The following RTN1 variants were observed in gnomAD, a reference collection of about 807,000 sequenced individuals.
RTN1 encodes reticulon-1.
Under a neutral mutation model 65.5 loss-of-function variants are expected in RTN1, and 25 were observed. That is an observed-to-expected ratio of 0.38 (90% CI 0.28 to 0.53). The LOEUF (loss-of-function observed/expected upper bound fraction) is 0.53. RTN1 is among the 20% of genes least tolerant of loss of function. The pLI, the probability that RTN1 is intolerant of heterozygous loss-of-function variation, is 0.79. For missense variants in RTN1, 983 were observed against 1,025.4 expected (o/e 0.96, Z 0.57); for synonymous variants, 471 against 447.6 (o/e 1.05, Z -0.66).
chr14:59,854,839 G>C (rs1887576339), intron 1 of RTN1, among the ~76,000 whole-genome samples: 1 of 151,896 alleles, frequency 6.6e-6, no homozygotes, highest in Non-Finnish European at 1.5e-5. Flanking sequence ...TTGTAAAATG[G>C]GGAAAATAAC....
At chr14:59,869,308 C>A (rs1295494508) in intron 1 of RTN1, among the ~76,000 whole-genome samples, 1 of 151,606 alleles carries the variant, frequency 6.6e-6, no homozygotes, top group Admixed American at 6.6e-5. Context: ...TCTGGGAGCA[C>A]CCCCCACCCC....
chr14:59,747,041 C>G (rs1379943749), intron 1 of RTN1, among the ~76,000 whole-genome samples: 1 of 152,180 alleles, frequency 6.6e-6, no homozygotes, highest in African/African-American at 2.4e-5. Context: ...AGAGAAAGGA[C>G]CTCCTAGCTT....
intron 1 of RTN1, among the ~76,000 whole-genome samples, chr14:59,793,614 C>T (rs948987440): frequency 6.7e-6 from 1 of 149,896 alleles, no homozygotes; most frequent in African/African-American, 2.5e-5. Context: ...AATTCTATTA[C>T]CTTGTCAATT....
intron 1 of RTN1, among the ~76,000 whole-genome samples, chr14:59,844,461 A>G (rs762213453): frequency 5.3e-5 from 8 of 152,262 alleles, no homozygotes; most frequent in Non-Finnish European, 1.0e-4. Context: ...GTAAGCCAAC[A>G]CAGAACCAAC....
chr14:59,687,036 T>A (rs1252953167), intron 3 of RTN1, among the ~76,000 whole-genome samples: 6 of 152,182 alleles, frequency 3.9e-5, no homozygotes, highest in Non-Finnish European at 8.8e-5. Flanking sequence ...GGTGCTGGAA[T>A]TGTGCTTTCT....
At chr14:59,679,568 G>A (rs1366603919) in intron 3 of RTN1, among the ~76,000 whole-genome samples, 1 of 152,164 alleles carries the variant, frequency 6.6e-6, no homozygotes, top group African/African-American at 2.4e-5. Flanking sequence ...TAAAACAGCA[G>A]AGTACAAAAC....
chr14:59,622,957 T>G (rs547915462), intron 3 of RTN1, among the ~76,000 whole-genome samples: 17 of 152,330 alleles, frequency 1.1e-4, no homozygotes, highest in African/African-American at 3.6e-4. Context: ...ATTTCTAGAC[T>G]CTTAAATAAT....
chr14:59,762,745 G>GATTGA (rs751181030), intron 1 of RTN1, among the ~76,000 whole-genome samples: 3 of 152,186 alleles, frequency 2.0e-5, no homozygotes, highest in Non-Finnish European at 4.4e-5. Flanking sequence ...ATTGTTAAGG[G>GATTGA]ATTGTGTCAA....
At chr14:59,613,534 G>T (rs1882019403) in intron 3 of RTN1, among the ~76,000 whole-genome samples, 1 of 152,082 alleles carries the variant, frequency 6.6e-6, no homozygotes, top group Non-Finnish European at 1.5e-5. Context: ...TCCTGATCCT[G>T]TGATCCACCT....
rs977790602 is a variant in RTN1 at position 59,846,217 on chromosome 14, G to C, written c.241+24173C>G. Among the ~76,000 whole-genome samples the C allele has an allele frequency of 2.0e-5, 3 of 152,106 alleles. No homozygotes were observed. The highest frequency in any genetic ancestry group is 4.4e-5 in the Non-Finnish European group (3 of 68,000). ...GCTGTGACTTCTTCCTTACCCCACTGGTGCTTTTTTGTGGAAGAAGAAACA... is the reference window on the plus strand; with the variant it reads ...GCTGTGACTTCTTCCTTACCCCACTCGTGCTTTTTTGTGGAAGAAGAAACA... On this transcript the variant is annotated intron_variant, in intron 1 of 8. Coordinates refer to ENST00000267484, the MANE Select transcript of RTN1 (RefSeq NM_021136.3). The surrounding 1 kb of genome is among the most constrained non-coding windows in gnomAD (Gnocchi z 4.8).
intron 1 of RTN1, among the ~76,000 whole-genome samples, chr14:59,841,891 C>T (rs1887319916): frequency 1.3e-5 from 2 of 151,968 alleles, no homozygotes. Flanking sequence ...TTTTGGGAGG[C>T]CGAGGCGGGT....
Position 59,799,399 on chromosome 14 carries a change from A to G in RTN1, c.242-52918T>C, listed in dbSNP as rs78469319. On this transcript the variant is annotated intron_variant, in intron 1 of 8. Coordinates refer to ENST00000267484, the MANE Select transcript of RTN1 (RefSeq NM_021136.3). Reference sequence around the variant, plus strand: ...GCAAATGTGGATAATCTACAAAATCATCAATTTTCTCAGGGCCATCAGAGA... The same window carrying G: ...GCAAATGTGGATAATCTACAAAATCGTCAATTTTCTCAGGGCCATCAGAGA... Among the ~76,000 whole-genome samples the G allele has an allele frequency of 1.3e-3, 204 of 152,332 alleles. 1 individual carries two copies. The highest frequency in any genetic ancestry group is 4.8e-3 in the African/African-American group (199 of 41,588).
chr14:59,791,294 G>T (rs562509400), intron 1 of RTN1, among the ~76,000 whole-genome samples: 17 of 152,154 alleles, frequency 1.1e-4, no homozygotes, highest in African/African-American at 3.6e-4. Context: ...TTGTTCCCCA[G>T]CTCTCCTCCA....
At chr14:59,699,365 A>T (rs976514412) in intron 3 of RTN1, among the ~76,000 whole-genome samples, 1 of 152,178 alleles carries the variant, frequency 6.6e-6, no homozygotes, top group Non-Finnish European at 1.5e-5. Flanking sequence ...GAATACCTTT[A>T]CTAGGAAATG....
intron 3 of RTN1, among the ~76,000 whole-genome samples, chr14:59,720,508 G>A (rs1340374650): frequency 6.6e-6 from 1 of 152,030 alleles, no homozygotes; most frequent in African/African-American, 2.4e-5. Flanking sequence ...GATCACTTGA[G>A]GCCAGGAGTT....
At chr14:59,765,786 T>A (rs1426458189) in intron 1 of RTN1, among the ~76,000 whole-genome samples, 2 of 151,732 alleles carry the variant, frequency 1.3e-5, no homozygotes, top group Admixed American at 6.6e-5. Context: ...TTTTTTAAAC[T>A]CCTAAAAATA....
chr14:59,670,929 G>T (rs1356580717), intron 3 of RTN1, among the ~76,000 whole-genome samples: 2 of 152,178 alleles, frequency 1.3e-5, no homozygotes, highest in Non-Finnish European at 2.9e-5. Flanking sequence ...AATTGGGAAA[G>T]GTGTACATGT....
chr14:59,635,393 T>A (rs1282318019), intron 3 of RTN1, among the ~76,000 whole-genome samples: 2 of 152,022 alleles, frequency 1.3e-5, no homozygotes, highest in African/African-American at 4.8e-5. Flanking sequence ...GGTGACACTT[T>A]AGGAAGAAAA....
intron 3 of RTN1, among the ~76,000 whole-genome samples, chr14:59,684,510 CTG>C (rs1883806110): frequency 6.6e-6 from 1 of 152,004 alleles, no homozygotes; most frequent in Non-Finnish European, 1.5e-5. Context: ...AGAAAGGAAA[CTG>C]TGATCTCGTA....
Sources: allele counts gnomAD v4.1 joint callset (sites outside exome capture counted in the v4.1 genomes callset), GRCh38; gene constraint gnomAD v4.1.1; non-coding constraint Gnocchi (gnomAD v3.1); transcripts MANE v1.5; gene names NCBI Gene and HGNC (gene_info 2026-07-23, HGNC 2026-07-21).